ATXN7L1: variants seen among roughly 807,000 people sequenced by gnomAD.
The protein encoded by ATXN7L1 is ataxin 7 like 1, also known as ataxin-7-like protein 1.
ATXN7L1 carries 15 observed loss-of-function variants against 70.8 expected under a neutral mutation model. The observed-to-expected ratio is 0.21, with a 90% CI of 0.14 to 0.33. The LOEUF is 0.33. ATXN7L1 is among the 10% of genes least tolerant of loss of function. ATXN7L1 has a pLI of 1.00. For missense variants in ATXN7L1, 975 were observed against 1,097.1 expected (o/e 0.89, Z 1.57); for synonymous variants, 440 against 445.1 (o/e 0.99, Z 0.14).
In ATXN7L1 at chr7:105,614,253, G is replaced by A; in HGVS notation, c.2081C>T (p.Pro694Leu). The A allele has an allele frequency of 1.9e-6, 3 of 1,551,752 alleles. No individual in the cohort carries two copies. The highest frequency in any genetic ancestry group is 2.6e-6 in the Non-Finnish European group (3 of 1,147,010). ...GTTGTGCACAGACAGGCTGTTATAG[G>A]GAGGGGCCGCCTGATAGGAGTTCAA... Reference protein sequence around the residue: ...SALNSYQAAPPYNSLSVHNSN... With the variant: ...SALNSYQAAPLYNSLSVHNSN... Residue 694 changes from proline (P) to leucine (L), a missense_variant, in exon 10 of 12, where the codon CCC becomes CTC. Around this residue, in one of 5 missense-constraint regions of ATXN7L1, gnomAD observed 635 missense variants for 699.4 expected, o/e 0.91. Coordinates refer to ENST00000419735, the MANE Select transcript of ATXN7L1 (RefSeq NM_020725.2). The surrounding 1 kb of genome is among the most constrained non-coding windows in gnomAD (Gnocchi z 4.3).
At chr7:105,825,620 G>GTTTTTTTTTTTTTTTTTTTTTTTTTT (rs1276590419) in intron 2 of ATXN7L1, among the ~76,000 whole-genome samples, 3 of 151,504 alleles carry the variant, frequency 2.0e-5, no homozygotes, top group Admixed American at 6.6e-5. Flanking sequence ...CAATAAGCAT[G>GTTTTTTTTTTTTTTTTTTTTTTTTTT]TTTTTAAGAC....
chr7:105,728,410 A>C (rs1168400343), intron 3 of ATXN7L1, among the ~76,000 whole-genome samples: 3 of 152,222 alleles, frequency 2.0e-5, no homozygotes, highest in African/African-American at 7.2e-5. Flanking sequence ...TTACTGTTGC[A>C]GTAGAAATTT....
At chr7:105,846,464 T>C (rs1814057777) in intron 2 of ATXN7L1, among the ~76,000 whole-genome samples, 1 of 152,166 alleles carries the variant, frequency 6.6e-6, no homozygotes, top group Non-Finnish European at 1.5e-5. Context: ...AGACTGATAA[T>C]AACAAATGTT....
At chr7:105,865,885 C>T (rs774507279) in intron 2 of ATXN7L1, among the ~76,000 whole-genome samples, 4 of 152,302 alleles carry the variant, frequency 2.6e-5, no homozygotes, top group South Asian at 4.2e-4. Context: ...CCATTCTACT[C>T]GCTGTCTGTA....
At chr7:105,846,737 C>G (rs1814103049) in intron 2 of ATXN7L1, among the ~76,000 whole-genome samples, 1 of 152,128 alleles carries the variant, frequency 6.6e-6, no homozygotes, top group African/African-American at 2.4e-5. Context: ...AATGAATAGA[C>G]AGAATGTAGC....
chr7:105,637,915 T>C (rs2115895009), intron 7 of ATXN7L1, among the ~76,000 whole-genome samples: 1 of 152,292 alleles, frequency 6.6e-6, no homozygotes, highest in South Asian at 2.1e-4. Context: ...TAAGAGGTGC[T>C]AACGACCTAT....
intron 2 of ATXN7L1, among the ~76,000 whole-genome samples, chr7:105,873,566 C>T (rs1295630275): frequency 1.3e-5 from 2 of 152,190 alleles, no homozygotes; most frequent in African/African-American, 4.8e-5. Flanking sequence ...ATAAAGAAAA[C>T]TGCATGCATA....
At chr7:105,768,983 A>G (rs1801639389) in intron 3 of ATXN7L1, among the ~76,000 whole-genome samples, 1 of 152,152 alleles carries the variant, frequency 6.6e-6, no homozygotes, top group South Asian at 2.1e-4. Flanking sequence ...GTCTCTATCC[A>G]TGGAAAATGC....
chr7:105,828,293 G>A (rs2116580197), intron 2 of ATXN7L1, among the ~76,000 whole-genome samples: 1 of 152,288 alleles, frequency 6.6e-6, no homozygotes, highest in South Asian at 2.1e-4. Context: ...TCAGAACCAA[G>A]CAGAGTCCTG....
rs191806275 is a variant in ATXN7L1, at chr7:105,669,035, C to G, written c.356-3747G>C. ...AATGTTGGGATTACAGGTGAGCTAC[C>G]ACATCTGGCCCACAAAACAACTGTA... On this transcript the variant is annotated intron_variant, in intron 3 of 11. Transcript: ENST00000419735. Among the ~76,000 whole-genome samples, 7 of 152,198 alleles carry G rather than the reference C, an allele frequency of 4.6e-5. No homozygotes were observed. In the East Asian group the frequency reaches 9.6e-4, roughly 21 times the overall value.
intron 2 of ATXN7L1, among the ~76,000 whole-genome samples, chr7:105,795,160 G>A (rs1805810173): frequency 6.6e-6 from 1 of 152,200 alleles, no homozygotes; most frequent in African/African-American, 2.4e-5. Context: ...GTGACGTAAG[G>A]AGACACAAAG....
intron 9 of ATXN7L1, among the ~76,000 whole-genome samples, chr7:105,619,140 G>GTTTTTTTTTTTGTTTTTTTTT (rs1794392175): frequency 2.0e-5 from 1 of 49,846 alleles, no homozygotes; most frequent in African/African-American, 8.2e-5. Flanking sequence ...GAAATCTTTA[G>GTTTTTTTTTTTGTTTTTTTTT]TTTTTTTTTT....
rs550989199 is a variant in ATXN7L1 at position 105,708,196 on chromosome 7, G to A, written c.356-42908C>T. Among the ~76,000 whole-genome samples the A allele has an allele frequency of 3.3e-5, 5 of 152,234 alleles. No homozygotes were observed. The East Asian group carries it at 9.6e-4, about 29-fold the overall frequency. On this transcript the variant is annotated intron_variant, in intron 3 of 11. Coordinates refer to ENST00000419735, the MANE Select transcript of ATXN7L1 (RefSeq NM_020725.2). Reference sequence around the variant, plus strand: ...GTTGGCTGTGGACCCAGAGGCCTGCGTACTGTTCCGTGTCTGCATCAAAGA... The same window carrying A: ...GTTGGCTGTGGACCCAGAGGCCTGCATACTGTTCCGTGTCTGCATCAAAGA...
At chr7:105,697,614 C>CCTTCT in intron 3 of ATXN7L1, among the ~76,000 whole-genome samples, 1 of 152,290 alleles carries the variant, frequency 6.6e-6, no homozygotes, top group South Asian at 2.1e-4. Context: ...CGACATACAT[C>CCTTCT]CTTCTCGGCT....
intron 2 of ATXN7L1, among the ~76,000 whole-genome samples, chr7:105,864,456 CAAAAA>C (rs34739253): frequency 7.3e-5 from 3 of 41,062 alleles, no homozygotes; most frequent in African/African-American, 2.2e-4. Context: ...GGCCCTGTCT[CAAAAA>C]AAAAAAAAAA....
intron 5 of ATXN7L1, among the ~76,000 whole-genome samples, chr7:105,642,542 C>T (rs1003659009): frequency 3.9e-5 from 6 of 152,264 alleles, no homozygotes; most frequent in Admixed American, 3.9e-4. Flanking sequence ...GAATCACCTG[C>T]TCACAAGACC....
intron 3 of ATXN7L1, chr7:105,761,274 T>G: frequency 6.4e-7 from 1 of 1,573,600 alleles, no homozygotes; most frequent in Non-Finnish European, 8.6e-7. Context: ...TTGTCCACAC[T>G]TCAGGGCTCT....
At chr7:105,756,708 G>A (rs9648938) in intron 3 of ATXN7L1, among the ~76,000 whole-genome samples, 42,454 of 151,828 alleles carry the variant, frequency 0.28, 6,993 homozygotes, top group Non-Finnish European at 0.38. Context: ...ATTTTTTTTC[G>A]TTTTCTAATC....
intron 3 of ATXN7L1, among the ~76,000 whole-genome samples, chr7:105,759,910 G>C (rs1251976164): frequency 6.6e-6 from 1 of 152,002 alleles, no homozygotes; most frequent in Non-Finnish European, 1.5e-5. Flanking sequence ...TACAATTAAG[G>C]CATGTCATTG....
Sources: gnomAD v4.1 joint callset for allele counts (sites outside exome capture counted in the v4.1 genomes callset) on GRCh38, gnomAD v4.1.1 for gene constraint, gnomAD v4.1.1 regional missense constraint, Gnocchi (gnomAD v3.1) non-coding constraint, MANE v1.5 for transcripts, NCBI Gene and HGNC (gene_info 2026-07-23, HGNC 2026-07-21) for gene names.